NTNG1: variants seen among roughly 807,000 people sequenced by gnomAD.
NTNG1 encodes netrin-G1.
A neutral mutation model predicts 54.0 loss-of-function variants in NTNG1; 16 were observed. The observed-to-expected ratio is 0.30, with a 90% CI of 0.20 to 0.45. NTNG1 has a LOEUF of 0.45. Among genes scored for constraint, NTNG1 ranks in the 20% least tolerant of loss-of-function variants. NTNG1 has a pLI of 1.00. For synonymous variants in NTNG1, 255 were observed against 263.1 expected (o/e 0.97, Z 0.30); for missense variants, 530 against 678.7 (o/e 0.78, Z 2.43).
chr1:107,172,970 A>G (rs1462322574), intron 2 of NTNG1, among the ~76,000 whole-genome samples: 3 of 152,176 alleles, frequency 2.0e-5, no homozygotes, highest in Non-Finnish European at 2.9e-5. Flanking sequence ...GCCTTTCTAG[A>G]GAAATCACCT....
intron 2 of NTNG1, among the ~76,000 whole-genome samples, chr1:107,176,850 A>G (rs535799021): frequency 2.0e-5 from 3 of 152,290 alleles, no homozygotes; most frequent in South Asian, 4.1e-4. Flanking sequence ...GTCTAAAGCA[A>G]GGTTTCTCAC....
chr1:107,467,128 CT>C (rs902190898), intron 7 of NTNG1, among the ~76,000 whole-genome samples: 2,485 of 149,268 alleles, frequency 0.017, 69 homozygotes, highest in African/African-American at 0.057. Flanking sequence ...TTTACCTAAA[CT>C]TTTTTTTTTA....
chr1:107,365,793 G>C (rs902598033), intron 3 of NTNG1, among the ~76,000 whole-genome samples: 5 of 152,136 alleles, frequency 3.3e-5, no homozygotes, highest in Non-Finnish European at 7.4e-5. Context: ...TGTTTTGCTT[G>C]GGGGAGGGCA....
At chr1:107,196,166 C>T (rs1213658047) in intron 2 of NTNG1, among the ~76,000 whole-genome samples, 1 of 151,870 alleles carries the variant, frequency 6.6e-6, no homozygotes, top group African/African-American at 2.4e-5. Context: ...TAAAGGATCT[C>T]CTACGTAGCA....
intron 3 of NTNG1, among the ~76,000 whole-genome samples, chr1:107,362,216 C>A (rs994361278): frequency 6.6e-6 from 1 of 152,174 alleles, no homozygotes; most frequent in Admixed American, 6.5e-5. Flanking sequence ...GATATTTTCA[C>A]CTCAATAAAA....
chr1:107,377,038 T>A (rs1184875634), intron 3 of NTNG1, among the ~76,000 whole-genome samples: 1 of 152,230 alleles, frequency 6.6e-6, no homozygotes, highest in African/African-American at 2.4e-5. Context: ...CTGAGCCTGA[T>A]ATGTGTGGCT....
At chr1:107,305,381 C>T (rs915810743) in intron 2 of NTNG1, among the ~76,000 whole-genome samples, 2 of 152,214 alleles carry the variant, frequency 1.3e-5, no homozygotes, top group South Asian at 2.1e-4. Context: ...TATTTCTCCA[C>T]ATCCTCTCCA....
At chr1:107,423,449 A>G (rs1339636496) in intron 5 of NTNG1, among the ~76,000 whole-genome samples, 1 of 152,046 alleles carries the variant, frequency 6.6e-6, no homozygotes, top group Non-Finnish European at 1.5e-5. Flanking sequence ...CAAAATGGCA[A>G]TCGTGCCAAG....
chr1:107,421,436 C>T (rs1674568644), intron 5 of NTNG1, among the ~76,000 whole-genome samples: 1 of 152,054 alleles, frequency 6.6e-6, no homozygotes, highest in Non-Finnish European at 1.5e-5. Context: ...TGTTAGAGCA[C>T]TATCATGGAT....
chr1:107,194,279 C>T (rs946123367), intron 2 of NTNG1, among the ~76,000 whole-genome samples: 1 of 151,982 alleles, frequency 6.6e-6, no homozygotes, highest in Admixed American at 6.6e-5. Flanking sequence ...AGATGGGTAC[C>T]AGTGCAGGGA....
intron 3 of NTNG1, among the ~76,000 whole-genome samples, chr1:107,325,545 G>A (rs1042409621): frequency 6.6e-6 from 1 of 152,018 alleles, no homozygotes; most frequent in Non-Finnish European, 1.5e-5. Context: ...ATCACAAATG[G>A]ACAGAGTTTA....
intron 3 of NTNG1, among the ~76,000 whole-genome samples, chr1:107,392,610 G>A (rs1040228754): frequency 2.0e-5 from 3 of 152,086 alleles, no homozygotes; most frequent in Non-Finnish European, 4.4e-5. Flanking sequence ...CAACAAGGAG[G>A]TCGTGGGTGA....
At chr1:107,427,996 T>A (rs1429499333) in intron 5 of NTNG1, among the ~76,000 whole-genome samples, 1 of 152,142 alleles carries the variant, frequency 6.6e-6, no homozygotes, top group Non-Finnish European at 1.5e-5. Context: ...TGAACTTGGG[T>A]ATCTTACAGA....
At chr1:107,459,544 G>T (rs988926886) in intron 7 of NTNG1, among the ~76,000 whole-genome samples, 1 of 152,068 alleles carries the variant, frequency 6.6e-6, no homozygotes, top group Non-Finnish European at 1.5e-5. Flanking sequence ...AAAAAAAAAT[G>T]TATTTTCAAT....
chr1:107,473,078 A>T (rs1428790130), intron 7 of NTNG1, among the ~76,000 whole-genome samples: 1 of 152,188 alleles, frequency 6.6e-6, no homozygotes, highest in Non-Finnish European at 1.5e-5. Context: ...AATTTGGAAC[A>T]TCTTTCTCTC....
rs373770943 is a variant in NTNG1 at position 107,212,096 on chromosome 1, C to A, written c.246+63257C>A. On this transcript the variant is annotated intron_variant, in intron 2 of 7. Transcript: ENST00000370068. ...GAAAATCAGAACTAGATATTTTTTTCTTGGGGGAAAGCATTATATGAGAAC... is the reference window on the plus strand; with the variant it reads ...GAAAATCAGAACTAGATATTTTTTTATTGGGGGAAAGCATTATATGAGAAC... Among the ~76,000 whole-genome samples, 8 of 151,888 alleles carry A rather than the reference C, an allele frequency of 5.3e-5. No homozygotes were observed. In the East Asian group the frequency reaches 1.5e-3, roughly 29 times the overall value.
intron 7 of NTNG1, among the ~76,000 whole-genome samples, chr1:107,470,064 T>G (rs1417989488): frequency 6.6e-6 from 1 of 152,192 alleles, no homozygotes; most frequent in Non-Finnish European, 1.5e-5. Flanking sequence ...GAAGCTCTGA[T>G]GGTTCCATTC....
chr1:107,200,589 C>A (rs749263450), intron 2 of NTNG1, among the ~76,000 whole-genome samples: 2 of 151,622 alleles, frequency 1.3e-5, no homozygotes, highest in Non-Finnish European at 3.0e-5. Context: ...GTTGTTTCAC[C>A]GTCCTTTTAA....
chr1:107,426,658 C>CT (rs1209227746), intron 5 of NTNG1, among the ~76,000 whole-genome samples: 3 of 151,312 alleles, frequency 2.0e-5, no homozygotes, highest in African/African-American at 4.9e-5. Context: ...GCTATTTGGG[C>CT]TTTTTTTGGG....
Sources: gnomAD v4.1 joint callset for allele counts (sites outside exome capture counted in the v4.1 genomes callset) on GRCh38, gnomAD v4.1.1 for gene constraint, MANE v1.5 for transcripts, NCBI Gene and HGNC (gene_info 2026-07-23, HGNC 2026-07-21) for gene names.